Variants in WAPL observed in about 807,000 individuals in gnomAD.
WAPL encodes the protein wings apart-like protein homolog.
Under a neutral mutation model 121.0 loss-of-function variants are expected in WAPL, and 5 were observed. The observed-to-expected ratio is 0.04, with a 90% CI of 0.02 to 0.09. The LOEUF is 0.09. WAPL is among the 10% of genes least tolerant of loss of function. The pLI is 1.00. For missense variants in WAPL, 999 were observed against 1,410.8 expected (o/e 0.71, Z 4.68); for synonymous variants, 480 against 481.5 (o/e 1.00, Z 0.04).
rs183106705 is a variant in WAPL at position 86,463,473 on chromosome 10, G to T, written c.2371-2186C>A. 2.3e-4 allele frequency among the ~76,000 whole-genome samples: 35 copies of T among 150,630 alleles called. No individual in the cohort carries two copies. The East Asian group carries it at 6.5e-3, about 28-fold the overall frequency. On this transcript the variant is annotated intron_variant, in intron 9 of 18. Transcript: ENST00000298767. ...TGACCCTGTGTGGACCTTGGTTAAC[G>T]TGTGTGTGTCGCCTTCATTTTTAAC...
chr10:86,500,408 T>A lies in WAPL; in HGVS notation c.835A>T (p.Ile279Phe). 1 of 1,614,268 alleles carries A rather than the reference T, an allele frequency of 6.2e-7. No individual in the cohort carries two copies. The highest frequency in any genetic ancestry group is 8.5e-7 in the Non-Finnish European group (1 of 1,180,052). The change falls in exon 3 of 19, where the codon ATT becomes TTT. Residue 279 changes from isoleucine (I) to phenylalanine (F), a missense_variant. Around this residue, in one of 7 missense-constraint regions of WAPL, gnomAD observed 531 missense variants for 563.1 expected, o/e 0.94. Transcript: ENST00000298767. ...KNRLENLNEAIEEDIVQSVLR... is the reference protein window; with the variant it reads ...KNRLENLNEAFEEDIVQSVLR... ...ACACTTTGTACAATATCTTCCTCAA[T>A]GGCTTCATTCAGATTTTCCAATCGA...
At chr10:86,441,253 T>TC (rs1849463876) in intron 17 of WAPL, among the ~76,000 whole-genome samples, 1 of 152,166 alleles carries the variant, frequency 6.6e-6, no homozygotes, top group African/African-American at 2.4e-5. Flanking sequence ...GCTGGACCCT[T>TC]CTTCAACAGT....
intron 4 of WAPL, among the ~76,000 whole-genome samples, chr10:86,475,108 C>G (rs1564573717): frequency 6.6e-6 from 1 of 152,140 alleles, no homozygotes. Flanking sequence ...CTTAAACTTC[C>G]AGGGGATTTT....
intron 15 of WAPL, among the ~76,000 whole-genome samples, chr10:86,447,868 A>G (rs1173768956): frequency 6.6e-6 from 1 of 151,758 alleles, no homozygotes; most frequent in Admixed American, 6.6e-5. Context: ...CGGCAAACAC[A>G]GTGAAACCAC....
intron 12 of WAPL, among the ~76,000 whole-genome samples, chr10:86,455,683 T>TA (rs539594893): frequency 0.09 from 2,616 of 29,070 alleles, 66 homozygotes; most frequent in African/African-American, 0.16. Flanking sequence ...CAATAAATAC[T>TA]AAAAAAAAAA....
At chr10:86,487,292 G>A (rs562456725) in intron 4 of WAPL, among the ~76,000 whole-genome samples, 42 of 152,244 alleles carry the variant, frequency 2.8e-4, no homozygotes, top group African/African-American at 9.9e-4. Context: ...GCTGTAGCCA[G>A]AAATCAGAAA....
chr10:86,496,627 ATT>A (rs1355637741), intron 4 of WAPL, among the ~76,000 whole-genome samples: 2 of 152,194 alleles, frequency 1.3e-5, no homozygotes, highest in East Asian at 3.8e-4. Flanking sequence ...ACAATGGAAT[ATT>A]CTTTTATATA....
chr10:86,499,222 C>T (rs920657098), intron 3 of WAPL, among the ~76,000 whole-genome samples: 1 of 152,164 alleles, frequency 6.6e-6, no homozygotes, highest in African/African-American at 2.4e-5. Context: ...AACTTGGGAC[C>T]TGATCATTAA....
At chr10:86,465,541 T>G (rs1431710816) in intron 9 of WAPL, among the ~76,000 whole-genome samples, 1 of 152,230 alleles carries the variant, frequency 6.6e-6, no homozygotes, top group Non-Finnish European at 1.5e-5. Context: ...GGAAAGCCTC[T>G]AAAATTTCCA....
chr10:86,498,821 T>C (rs1246382259), intron 3 of WAPL, among the ~76,000 whole-genome samples: 1 of 152,206 alleles, frequency 6.6e-6, no homozygotes, highest in Non-Finnish European at 1.5e-5. Flanking sequence ...TTGAGGACCC[T>C]TAGTCACTAC....
chr10:86,460,807 A>C (rs1841252739), intron 10 of WAPL, among the ~76,000 whole-genome samples: 1 of 151,696 alleles, frequency 6.6e-6, no homozygotes, highest in Non-Finnish European at 1.5e-5. Flanking sequence ...TCCACCTCCC[A>C]CATTCAAGCA....
At chr10:86,481,876 C>T (rs567461921) in intron 4 of WAPL, among the ~76,000 whole-genome samples, 4 of 150,574 alleles carry the variant, frequency 2.7e-5, no homozygotes, top group African/African-American at 4.9e-5. Context: ...AGAATGGAAA[C>T]GGAAAACCCC....
intron 17 of WAPL, 84 bp from the exon 18 acceptor site, chr10:86,438,099 C>A (rs545147174): frequency 3.2e-6 from 3 of 935,196 alleles, no homozygotes; most frequent in Non-Finnish European, 5.0e-6. Flanking sequence ...TTTTGACACA[C>A]ATCTTGGTGC....
At chr10:86,480,600 T>C (rs1841758640) in intron 4 of WAPL, among the ~76,000 whole-genome samples, 1 of 151,068 alleles carries the variant, frequency 6.6e-6, no homozygotes, top group Non-Finnish European at 1.5e-5. Context: ...GATTATCAAA[T>C]TTAGAAATAA....
At chr10:86,452,199 C>G in intron 14 of WAPL, 68 bp from the exon 15 acceptor site, 1 of 1,449,420 alleles carries the variant, frequency 6.9e-7, no homozygotes, top group Non-Finnish European at 9.3e-7. Flanking sequence ...ACAATATACA[C>G]AATTTTTAAT....
chr10:86,471,594 G>A (rs10887614), intron 7 of WAPL, among the ~76,000 whole-genome samples: 39,352 of 151,854 alleles, frequency 0.26, 5,929 homozygotes, highest in South Asian at 0.44. Flanking sequence ...TTGAACATCA[G>A]AGGTAAAAAG....
At chr10:86,466,765 C>T (rs1422379926) in intron 9 of WAPL, among the ~76,000 whole-genome samples, 2 of 152,082 alleles carry the variant, frequency 1.3e-5, no homozygotes, top group Non-Finnish European at 2.9e-5. Flanking sequence ...GGCACGACCT[C>T]GGCTCACTGT....
At chr10:86,449,624 G>A (rs1028661899) in intron 15 of WAPL, among the ~76,000 whole-genome samples, 1 of 152,230 alleles carries the variant, frequency 6.6e-6, no homozygotes, top group East Asian at 1.9e-4. Context: ...CTCTGAGGGT[G>A]TGGGGATGGC....
chr10:86,444,959 T>C (rs1849570445), intron 16 of WAPL, among the ~76,000 whole-genome samples: 1 of 145,056 alleles, frequency 6.9e-6, no homozygotes, highest in Admixed American at 6.8e-5. Context: ...AAGACAAGTA[T>C]TACAATATTA....
Sources: allele counts gnomAD v4.1 joint callset (sites outside exome capture counted in the v4.1 genomes callset), GRCh38; gene constraint gnomAD v4.1.1; regional missense constraint gnomAD v4.1.1; transcripts MANE v1.5; gene names NCBI Gene and HGNC (gene_info 2026-07-23, HGNC 2026-07-21).